Variants in STK32B observed in about 807,000 individuals in gnomAD.
STK32B encodes serine/threonine-protein kinase 32B.
A neutral mutation model predicts 52.6 loss-of-function variants in STK32B; 43 were observed. The ratio of observed to expected loss-of-function variants is 0.82; its 90% confidence interval spans 0.64 to 1.05. The LOEUF is 1.05. Among genes scored for constraint, STK32B ranks in the 50% least tolerant of loss-of-function variants. The pLI, the probability that STK32B is intolerant of heterozygous loss-of-function variation, is 0.00. For synonymous variants in STK32B, 238 were observed against 204.3 expected (o/e 1.17, Z -1.41); for missense variants, 621 against 534.6 (o/e 1.16, Z -1.59).
At chr4:5,444,125 C>G (rs1347867185) in intron 6 of STK32B, among the ~76,000 whole-genome samples, 1 of 152,176 alleles carries the variant, frequency 6.6e-6, no homozygotes. Flanking sequence ...GTGGTGGGCT[C>G]CGCCCAGTTG....
chr4:5,290,137 T>G (rs1160265008), intron 3 of STK32B, among the ~76,000 whole-genome samples: 4 of 152,138 alleles, frequency 2.6e-5, no homozygotes, highest in African/African-American at 9.7e-5. Flanking sequence ...CCTGGGTTAG[T>G]TTCCTGTTGA....
chr4:5,202,535 A>T (rs1366330787), intron 3 of STK32B, among the ~76,000 whole-genome samples: 1 of 152,328 alleles, frequency 6.6e-6, no homozygotes, highest in South Asian at 2.1e-4. Flanking sequence ...TCTCAACCCC[A>T]TGTTTCTTCT....
chr4:5,450,831 CTG>C (rs1715921994), intron 7 of STK32B, among the ~76,000 whole-genome samples: 1 of 152,184 alleles, frequency 6.6e-6, no homozygotes, highest in Non-Finnish European at 1.5e-5. Flanking sequence ...GCTGGAAAGC[CTG>C]TGTCCTTCCC....
At chr4:5,311,489 A>C (rs1730286195) in intron 3 of STK32B, among the ~76,000 whole-genome samples, 1 of 152,200 alleles carries the variant, frequency 6.6e-6, no homozygotes. Context: ...AATCAATGAA[A>C]GAATAAGCTG....
chr4:5,398,361 CCTT>C lies in STK32B; in HGVS notation c.472+120_472+122del, dbSNP rs1170344272. On this transcript the variant is annotated intron_variant, in intron 5 of 11. Coordinates refer to ENST00000282908, the MANE Select transcript of STK32B (RefSeq NM_018401.3). The surrounding 1 kb of genome is among the most constrained non-coding windows in gnomAD (Gnocchi z 4.9). ...GTTGGACATTAGCATTGGCTAGAAA[CCTT>C]CTCTTGTTTCAATCCTGGTGGATCA... 1.9e-6 allele frequency: 2 copies of C among 1,058,254 alleles called. No homozygotes were observed. Among genetic ancestry groups the C allele is most frequent in the Admixed American group, 4.3e-5 (2 of 46,812 alleles). The allele number at this position is 1,058,254 out of a possible 1,614,324, so 65.6% of individuals were successfully genotyped here.
the STK32B span, among the ~76,000 whole-genome samples, chr4:5,021,381 T>C: frequency 6.6e-6 from 1 of 152,208 alleles, no homozygotes; most frequent in Non-Finnish European, 1.5e-5. Flanking sequence ...TGTGTGTGCT[T>C]GGAGGTGGCA....
At chr4:5,183,243 C>T (rs1720492010) in intron 3 of STK32B, among the ~76,000 whole-genome samples, 1 of 152,030 alleles carries the variant, frequency 6.6e-6, no homozygotes, top group African/African-American at 2.4e-5. Flanking sequence ...ATTGGGAACC[C>T]GAGGCAGGCA....
rs766199227 is a variant in STK32B, at chr4:5,456,839, C to G, written c.699C>G (p.Ile233Met). ...RPYEIHSVTP[I>M]DEILNMFKVE... ...ACGAAATCCACTCGGTCACGCCCATCGATGAAATCCTCAACATGTTCAAGG... is the reference window on the plus strand; with the variant it reads ...ACGAAATCCACTCGGTCACGCCCATGGATGAAATCCTCAACATGTTCAAGG... Residue 233 changes from isoleucine to methionine, a missense_variant, in exon 8 of 12, where the codon ATC becomes ATG. Coordinates refer to ENST00000282908, the MANE Select transcript of STK32B (RefSeq NM_018401.3). 6 of 1,596,346 alleles carry G rather than the reference C, an allele frequency of 3.8e-6. No homozygotes were observed. Among genetic ancestry groups the G allele is most frequent in the Non-Finnish European group, 4.3e-6 (5 of 1,169,338 alleles).
Position 5,122,257 on chromosome 4 carries a change from CTCAT to C in STK32B, c.53-17632_53-17629del, listed in dbSNP as rs758454286. On this transcript the variant is annotated intron_variant, in intron 1 of 11. Coordinates refer to ENST00000282908, the MANE Select transcript of STK32B (RefSeq NM_018401.3). ...TCATTCACTCACATTTACTCATTTA[CTCAT>C]TCATTCATTCATTCACTCACCCATT... Among the ~76,000 whole-genome samples, 73 of 152,132 alleles carry C rather than the reference CTCAT, an allele frequency of 4.8e-4. No homozygotes were observed. The East Asian group carries it at 5.2e-3, about 11-fold the overall frequency.
intron 1 of STK32B, among the ~76,000 whole-genome samples, chr4:5,117,062 A>G (rs12651253): frequency 0.23 from 35,324 of 152,126 alleles, 4,465 homozygotes; most frequent in East Asian, 0.41. Flanking sequence ...AGAATTTTCT[A>G]TATATAAGAT....
chr4:5,420,838 T>C (rs1712569331), intron 6 of STK32B, among the ~76,000 whole-genome samples: 1 of 152,120 alleles, frequency 6.6e-6, no homozygotes, highest in Non-Finnish European at 1.5e-5. Context: ...GAAAAGCAAA[T>C]TGATGTCAAG....
intron 1 of STK32B, among the ~76,000 whole-genome samples, chr4:5,100,118 A>G (rs181659054): frequency 6.6e-6 from 1 of 152,256 alleles, no homozygotes; most frequent in African/African-American, 2.4e-5. Flanking sequence ...CAGAGAAGTG[A>G]TAGAGCCAGC....
Position 5,064,543 on chromosome 4 carries a change from A to G in STK32B, c.52+12628A>G, listed in dbSNP as rs1332042005. 2.0e-4 allele frequency among the ~76,000 whole-genome samples: 10 copies of G among 50,526 alleles called. 2 individuals carry two copies. In the South Asian group the frequency reaches 2.5e-3, roughly 12 times the overall value. 33.1% of individuals were successfully genotyped at this position (50,526 alleles called of 152,430 possible). ...ACTTATATACATATATAATATATAAATATATACTTATATACATATATAATA... is the reference window on the plus strand; with the variant it reads ...ACTTATATACATATATAATATATAAGTATATACTTATATACATATATAATA... On this transcript the variant is annotated intron_variant, in intron 1 of 11. Transcript: ENST00000282908.
chr4:5,110,065 A>G (rs1019184784), intron 1 of STK32B, among the ~76,000 whole-genome samples: 1 of 152,026 alleles, frequency 6.6e-6, no homozygotes, highest in African/African-American at 2.4e-5. Flanking sequence ...AGAGCTCTAT[A>G]AGGAGAACTA....
intron 3 of STK32B, among the ~76,000 whole-genome samples, chr4:5,249,008 C>T (rs1257643863): frequency 2.0e-5 from 3 of 152,042 alleles, no homozygotes; most frequent in Non-Finnish European, 4.4e-5. Context: ...AGCACACCGA[C>T]ATGGCACATG....
At chr4:5,267,084 G>A (rs1036781003) in intron 3 of STK32B, among the ~76,000 whole-genome samples, 3 of 151,724 alleles carry the variant, frequency 2.0e-5, no homozygotes, top group Non-Finnish European at 2.9e-5. Flanking sequence ...CCAGGGTGGC[G>A]TGCAATGCTT....
At chr4:5,202,252 T>G (rs1181657053) in intron 3 of STK32B, among the ~76,000 whole-genome samples, 1 of 152,298 alleles carries the variant, frequency 6.6e-6, no homozygotes, top group East Asian at 1.9e-4. Context: ...TCCAACATAG[T>G]CTCCTTTCAC....
intron 6 of STK32B, among the ~76,000 whole-genome samples, chr4:5,444,666 A>G (rs1715215912): frequency 6.6e-6 from 1 of 152,226 alleles, no homozygotes; most frequent in Non-Finnish European, 1.5e-5. Flanking sequence ...TTTGACTGTT[A>G]GTAATGCCTA....
In STK32B at chr4:5,079,749, G is replaced by C. The variant is rs560855515; in HGVS notation, c.52+27834G>C. Among the ~76,000 whole-genome samples, 718 of 152,212 alleles carry C rather than the reference G, an allele frequency of 4.7e-3. 8 individuals carry two copies. The highest frequency in any genetic ancestry group is 0.014 in the African/African-American group (591 of 41,518). On this transcript the variant is annotated intron_variant, in intron 1 of 11. Transcript: ENST00000282908. The stretch of plus-strand genomic sequence containing the variant: ...GCATGACCCCTACTGTTCCCAGCTG[G>C]GCCAGGCCACTGTACTCTTTTGTCT...
Sources: allele counts gnomAD v4.1 joint callset (sites outside exome capture counted in the v4.1 genomes callset), GRCh38; gene constraint gnomAD v4.1.1; non-coding constraint Gnocchi (gnomAD v3.1); transcripts MANE v1.5; gene names NCBI Gene and HGNC (gene_info 2026-07-23, HGNC 2026-07-21).